Variants in GRM5 observed in about 807,000 individuals in gnomAD.
The protein encoded by GRM5 is metabotropic glutamate receptor 5.
Under a neutral mutation model 83.1 loss-of-function variants are expected in GRM5, and 19 were observed. The ratio of observed to expected loss-of-function variants is 0.23; its 90% CI spans 0.16 to 0.34. GRM5 has a LOEUF of 0.34. GRM5 is among the 10% of genes least tolerant of loss of function. The pLI is 1.00. For missense variants in GRM5, 1,160 were observed against 1,588.3 expected (o/e 0.73, Z 4.58); for synonymous variants, 675 against 633.6 (o/e 1.07, Z -0.98).
chr11:89,023,973 C>T (rs1348019369), intron 2 of GRM5, among the ~76,000 whole-genome samples: 5 of 151,972 alleles, frequency 3.3e-5, no homozygotes, highest in African/African-American at 1.2e-4. Flanking sequence ...TGCCTGTAAT[C>T]CCAGCACTTT....
intron 2 of GRM5, among the ~76,000 whole-genome samples, chr11:88,872,315 A>G (rs1022004809): frequency 4.0e-5 from 6 of 151,638 alleles, no homozygotes; most frequent in Non-Finnish European, 8.9e-5. Context: ...TCTAAAAATT[A>G]TAATACAAAG....
At chr11:88,597,432 A>G in intron 5 of GRM5, 80 bp from the exon 6 acceptor site, 1 of 723,606 alleles carries the variant, frequency 1.4e-6, no homozygotes, top group South Asian at 2.0e-5. Context: ...TTTATTCCCA[A>G]AAATGTGTCT....
intron 2 of GRM5, among the ~76,000 whole-genome samples, chr11:88,909,872 G>A (rs994653546): frequency 3.3e-5 from 5 of 152,024 alleles, no homozygotes; most frequent in African/African-American, 1.2e-4. Flanking sequence ...CCTGCTACTT[G>A]TGTTTTTCCT....
intron 1 of GRM5, among the ~76,000 whole-genome samples, chr11:89,064,126 T>C (rs1171928779): frequency 6.6e-6 from 1 of 152,080 alleles, no homozygotes; most frequent in Non-Finnish European, 1.5e-5. Context: ...CTAGATTACA[T>C]TGCATTTATG....
intron 4 of GRM5, among the ~76,000 whole-genome samples, chr11:88,635,053 A>G (rs992783935): frequency 2.6e-5 from 4 of 152,184 alleles, no homozygotes; most frequent in African/African-American, 9.7e-5. Context: ...ATTTTTCAGT[A>G]GCATTTGTTA....
intron 3 of GRM5, among the ~76,000 whole-genome samples, chr11:88,730,413 G>C (rs1410162039): frequency 6.6e-6 from 1 of 152,154 alleles, no homozygotes; most frequent in Non-Finnish European, 1.5e-5. Flanking sequence ...CTTTCACACT[G>C]TTGGTGGGAA....
chr11:88,986,281 C>G (rs777919311), intron 2 of GRM5, among the ~76,000 whole-genome samples: 8 of 152,030 alleles, frequency 5.3e-5, no homozygotes, highest in Non-Finnish European at 1.0e-4. Flanking sequence ...ATATAACATT[C>G]TTGAAATGAC....
chr11:88,663,402 T>C (rs548176976), intron 3 of GRM5, among the ~76,000 whole-genome samples: 60 of 152,294 alleles, frequency 3.9e-4, no homozygotes, highest in African/African-American at 1.4e-3. Flanking sequence ...ATTGATTACA[T>C]TGTGTGTTAC....
intron 3 of GRM5, among the ~76,000 whole-genome samples, chr11:88,775,254 G>A (rs1235874120): frequency 4.0e-5 from 6 of 151,810 alleles, no homozygotes; most frequent in African/African-American, 1.5e-4. Flanking sequence ...TTCTCTGATG[G>A]TAGTTTGTAT....
rs1296909800 is a variant in GRM5, at chr11:88,867,174, G to T, written c.662-17019C>A. Among the ~76,000 whole-genome samples the T allele has an allele frequency of 2.6e-5, 4 of 151,920 alleles. 1 individual carries two copies. In the South Asian group the frequency reaches 6.2e-4, roughly 24 times the overall value. Reference sequence around the variant, plus strand: ...AGCGTTGTTCTTTTTGCTTAGGATTGTCTTGGCCCTACAGGCTCTTTTTTG... The same window carrying T: ...AGCGTTGTTCTTTTTGCTTAGGATTTTCTTGGCCCTACAGGCTCTTTTTTG... On this transcript the variant is annotated intron_variant, in intron 2 of 9. Transcript: ENST00000305447.
chr11:88,756,116 T>C lies in GRM5; in HGVS notation c.911+93790A>G, dbSNP rs1246098870. Among the ~76,000 whole-genome samples, 3 of 152,176 alleles carry C rather than the reference T, an allele frequency of 2.0e-5. No individual in the cohort carries two copies. In the East Asian group the frequency reaches 5.8e-4, roughly 29 times the overall value. The stretch of plus-strand genomic sequence containing the variant: ...GTGATCCATAAATTTTTGCCTCCAA[T>C]AGACATGGAAACAGCCTTACTTTAG... On this transcript the variant is annotated intron_variant, in intron 3 of 9. Transcript: ENST00000305447.
At chr11:88,909,738 T>C (rs1322874457) in intron 2 of GRM5, among the ~76,000 whole-genome samples, 1 of 152,046 alleles carries the variant, frequency 6.6e-6, no homozygotes, top group Non-Finnish European at 1.5e-5. Flanking sequence ...CATAGCAGTG[T>C]CTAGCACAAA....
intron 2 of GRM5, among the ~76,000 whole-genome samples, chr11:89,002,156 G>A (rs1940402454): frequency 1.3e-5 from 2 of 151,970 alleles, no homozygotes. Flanking sequence ...ACTATTTTTG[G>A]CATGTTTTCC....
chr11:88,787,894 T>A (rs142098189), intron 3 of GRM5, among the ~76,000 whole-genome samples: 15 of 152,312 alleles, frequency 9.8e-5, no homozygotes, highest in African/African-American at 3.6e-4. Flanking sequence ...GAAAGGCTTA[T>A]GTGATATCCA....
chr11:88,919,627 C>T (rs1339457549), intron 2 of GRM5, among the ~76,000 whole-genome samples: 3 of 151,664 alleles, frequency 2.0e-5, no homozygotes, highest in African/African-American at 7.3e-5. Context: ...ACATCATGCT[C>T]AAGGATAGAC....
At chr11:89,035,137 C>T (rs1941354960) in intron 2 of GRM5, among the ~76,000 whole-genome samples, 1 of 151,414 alleles carries the variant, frequency 6.6e-6, no homozygotes, top group Admixed American at 6.6e-5. Context: ...ATAATATAAC[C>T]AGAGAGTATA....
At chr11:88,870,454 C>T (rs1435849549) in intron 2 of GRM5, among the ~76,000 whole-genome samples, 1 of 4,348 alleles carries the variant, frequency 2.3e-4, no homozygotes, top group Admixed American at 4.4e-3. Context: ...ATGACAAGAA[C>T]TTTAATAGGT....
In GRM5 at chr11:88,984,772, G is replaced by T. The variant is rs1351951799; in HGVS notation, c.661+62440C>A. 6 of 738,444 alleles carry T rather than the reference G, an allele frequency of 8.1e-6. No individual in the cohort carries two copies. The South Asian group carries it at 8.7e-5, about 11-fold the overall frequency. The allele number at this position is 738,444 out of a possible 1,614,324, so 45.7% of individuals were successfully genotyped here. A position where few individuals can be genotyped will look rare whatever the true frequency, so the allele number is the denominator to read the frequency against. ...AGGTATTTATTTGAATTACAGCACT[G>T]CTGGGGAAACAGAGAGACAGCACTT... is the stretch of plus-strand genomic sequence containing the variant. On this transcript the variant is annotated intron_variant, in intron 2 of 9. Transcript: ENST00000305447.
chr11:88,644,106 A>C (rs1939374828), intron 4 of GRM5, among the ~76,000 whole-genome samples: 2 of 152,204 alleles, frequency 1.3e-5, no homozygotes, highest in Admixed American at 6.5e-5. Context: ...TTTAGTAAGC[A>C]CATAATGGCC....
Sources: gnomAD v4.1 joint callset for allele counts (sites outside exome capture counted in the v4.1 genomes callset) on GRCh38, gnomAD v4.1.1 for gene constraint, MANE v1.5 for transcripts, NCBI Gene and HGNC (gene_info 2026-07-23, HGNC 2026-07-21) for gene names.